The following EXOC3L2 variants were observed in gnomAD, a reference collection of about 807,000 sequenced individuals.
The protein encoded by EXOC3L2 is exocyst complex component 3-like protein 2.
EXOC3L2 carries 17 observed loss-of-function variants against 44.4 expected under a neutral mutation model. The ratio of observed to expected loss-of-function variants is 0.38; its 90% CI spans 0.26 to 0.57. The LOEUF (loss-of-function observed/expected upper bound fraction) is 0.57, where lower values mean the gene tolerates loss of function less well. Among genes scored for constraint, EXOC3L2 ranks in the 20% least tolerant of loss-of-function variants. The probability of loss-of-function intolerance (pLI) is 0.65; values close to 1 mark genes in which losing one functional copy is unlikely to be tolerated. For synonymous variants in EXOC3L2, 256 were observed against 253.7 expected, an observed-to-expected ratio of 1.01 and a Z score of -0.09; for missense variants, 541 against 588.4, an observed-to-expected ratio of 0.92 and a Z score of 0.83.
chr19:45,219,208 G>A (rs1269954390), intron 8 of EXOC3L2, among the ~76,000 whole-genome samples: 5 of 151,712 alleles, frequency 3.3e-5, no homozygotes, highest in African/African-American at 9.7e-5. Context: ...GTAAGACTCC[G>A]TCTCAAAAAT....
At chr19:45,213,827 G>A (rs913351740) in intron 11 of EXOC3L2, among the ~76,000 whole-genome samples, 1 of 151,350 alleles carries the variant, frequency 6.6e-6, no homozygotes, top group Admixed American at 6.6e-5. Context: ...GGTGGCAGGC[G>A]CTTGTAATCC....
chr19:45,224,216 G>A (rs137989421), intron 8 of EXOC3L2, among the ~76,000 whole-genome samples: 6 of 152,160 alleles, frequency 3.9e-5, no homozygotes, highest in Non-Finnish European at 8.8e-5. Flanking sequence ...CTGAGAAGGA[G>A]AGTAGTGAGG....
At chr19:45,243,287 G>A (rs1047047688) in intron 1 of EXOC3L2, among the ~76,000 whole-genome samples, 1 of 152,202 alleles carries the variant, frequency 6.6e-6, no homozygotes, top group Non-Finnish European at 1.5e-5. Flanking sequence ...ACAGGGTTCT[G>A]AGCAGGTCAG....
chr19:45,241,791 C>G (rs1970133855), intron 1 of EXOC3L2, among the ~76,000 whole-genome samples: 1 of 144,030 alleles, frequency 6.9e-6, no homozygotes, highest in South Asian at 2.3e-4. Context: ...GACCCTCAGG[C>G]TCCCAGTCCC....
chr19:45,244,724 C>T (rs1042483057), intron 1 of EXOC3L2, among the ~76,000 whole-genome samples: 7 of 152,250 alleles, frequency 4.6e-5, no homozygotes, highest in South Asian at 2.1e-4. Context: ...CCTCGGTTTG[C>T]GGAATCCATC....
chr19:45,227,712 G>A lies in EXOC3L2; in HGVS notation c.1533C>T (p.Asp511=). 1.2e-6 allele frequency: 2 copies of A among 1,613,224 alleles called. No homozygotes were observed. The highest frequency in any genetic ancestry group is 1.7e-6 in the Non-Finnish European group (2 of 1,179,886). ...ENPAVREMLP[D]TYISKTIALV... ...GGGCGATGGTCTTGCTGATATAGGT[G>A]TCAGGTAGCATCTCCCGGACTGCTG... is the stretch of plus-strand genomic sequence containing the variant. The change falls in exon 7 of 12, where the codon GAC becomes GAT. Residue 511 remains aspartate (D), a synonymous_variant. Coordinates refer to ENST00000413988, the MANE Select transcript of EXOC3L2 (RefSeq NM_001382422.1).
chr19:45,239,876 G>C (rs975932107), intron 1 of EXOC3L2, among the ~76,000 whole-genome samples: 5 of 151,926 alleles, frequency 3.3e-5, no homozygotes, highest in Admixed American at 6.6e-5. Flanking sequence ...CAGGCTGAGA[G>C]GGGGGAAGGC....
chr19:45,240,526 A>G (rs1970122827), intron 1 of EXOC3L2, among the ~76,000 whole-genome samples: 1 of 152,142 alleles, frequency 6.6e-6, no homozygotes, highest in African/African-American at 2.4e-5. Context: ...GGAAAGGAAG[A>G]CACTCTGGAA....
chr19:45,231,611 T>G, intron 4 of EXOC3L2, 152 bp downstream of exon 4: 1 of 589,110 alleles, frequency 1.7e-6, no homozygotes, highest in Non-Finnish European at 2.9e-6. Context: ...CAGCGGCCTT[T>G]GTGTCTATGG....
chr19:45,242,519 A>G (rs2122996961), intron 1 of EXOC3L2, among the ~76,000 whole-genome samples: 1 of 151,996 alleles, frequency 6.6e-6, no homozygotes, highest in African/African-American at 2.4e-5. Flanking sequence ...CGGCCTCCCA[A>G]AGTACTAGAA....
At chr19:45,240,765 G>A (rs1008245949) in intron 1 of EXOC3L2, among the ~76,000 whole-genome samples, 16 of 152,042 alleles carry the variant, frequency 1.1e-4, no homozygotes, top group Admixed American at 1.3e-4. Flanking sequence ...TTAGCCGGGC[G>A]TGGTGGCATG....
At chr19:45,215,287 A>G (rs565321280) in intron 11 of EXOC3L2, among the ~76,000 whole-genome samples, 3 of 152,280 alleles carry the variant, frequency 2.0e-5, no homozygotes, top group East Asian at 3.9e-4. Flanking sequence ...CCTGGGCAAC[A>G]TGGTGAAACC....
chr19:45,243,067 A>G (rs575386523), intron 1 of EXOC3L2, among the ~76,000 whole-genome samples: 3 of 152,240 alleles, frequency 2.0e-5, no homozygotes, highest in South Asian at 4.1e-4. Context: ...CAAACTCTCT[A>G]TAAATGGTAT....
intron 1 of EXOC3L2, among the ~76,000 whole-genome samples, chr19:45,243,204 A>G (rs1469301171): frequency 6.6e-6 from 1 of 152,200 alleles, no homozygotes; most frequent in African/African-American, 2.4e-5. Context: ...ATATTCCACT[A>G]TATGAATTGT....
In EXOC3L2 at chr19:45,213,316, C is replaced by G. The variant is rs759841252; in HGVS notation, c.2162G>C (p.Arg721Pro). 1.2e-6 allele frequency: 2 copies of G among 1,613,620 alleles called. No homozygotes were observed. ...VAALLDIRGL[R>P]NTAARQEILA... ...GATCTCCTGGCGGGCGGCTGTGTTGCGCAGGCCACGGATGTCGAGGAGGGC... is the reference window on the plus strand; with the variant it reads ...GATCTCCTGGCGGGCGGCTGTGTTGGGCAGGCCACGGATGTCGAGGAGGGC... Residue 721 changes from arginine to proline, a missense_variant, in exon 12 of 12, where the codon CGC (arginine) becomes CCC (proline). Transcript: ENST00000413988.
chr19:45,220,585 G>A (rs1443851245), intron 8 of EXOC3L2, among the ~76,000 whole-genome samples: 9 of 152,192 alleles, frequency 5.9e-5, no homozygotes, highest in African/African-American at 2.2e-4. Flanking sequence ...GCCTTTCGAA[G>A]TGTGTGTTTT....
intron 1 of EXOC3L2, among the ~76,000 whole-genome samples, chr19:45,243,321 G>T (rs867311723): frequency 6.6e-6 from 1 of 152,230 alleles, no homozygotes; most frequent in Non-Finnish European, 1.5e-5. Context: ...TTATGCAGAC[G>T]TGCGGGGGTG....
chr19:45,218,404 C>G, intron 8 of EXOC3L2, 85 bp from the exon 9 acceptor site: 1 of 1,439,320 alleles, frequency 6.9e-7, no homozygotes, highest in Non-Finnish European at 9.2e-7. Flanking sequence ...AACCCTGCTC[C>G]GTGTTGAACC....
chr19:45,228,915 C>CAAA (rs1475377295), intron 4 of EXOC3L2, among the ~76,000 whole-genome samples: 1 of 145,474 alleles, frequency 6.9e-6, no homozygotes, highest in African/African-American at 2.6e-5. Context: ...ACTAAAAATA[C>CAAA]AAAAAATTAG....
Sources: allele counts gnomAD v4.1 joint callset (sites outside exome capture counted in the v4.1 genomes callset), GRCh38; gene constraint gnomAD v4.1.1; transcripts MANE v1.5; gene names NCBI Gene and HGNC (gene_info 2026-07-23, HGNC 2026-07-21).